Variants in AQR observed in about 807,000 individuals in gnomAD.
AQR encodes aquarius intron-binding spliceosomal factor, also known as RNA helicase aquarius.
AQR carries 61 observed loss-of-function variants against 180.5 expected under a neutral mutation model. The ratio of observed to expected loss-of-function variants is 0.34; its 90% CI spans 0.28 to 0.42. The LOEUF (loss-of-function observed/expected upper bound fraction) is 0.42, where lower values mean the gene tolerates loss of function less well. Among genes scored for constraint, AQR ranks in the 10% least tolerant of loss-of-function variants. AQR has a pLI of 1.00. For synonymous variants in AQR, 551 were observed against 588.8 expected, an observed-to-expected ratio of 0.94 and a Z score of 0.93; for missense variants, 1,281 against 1,798.3, an observed-to-expected ratio of 0.71 and a Z score of 5.20.
At chr15:34,940,583 A>G (rs1894008529) in intron 8 of AQR, among the ~76,000 whole-genome samples, 1 of 152,098 alleles carries the variant, frequency 6.6e-6, no homozygotes, top group African/African-American at 2.4e-5. Flanking sequence ...AAGTTATATT[A>G]ATAGCCTGAA....
At chr15:34,880,818 A>C (rs1315460204) in intron 27 of AQR, among the ~76,000 whole-genome samples, 2 of 152,202 alleles carry the variant, frequency 1.3e-5, no homozygotes, top group Non-Finnish European at 2.9e-5. Context: ...TTCTTGACTG[A>C]TATAGATGAA....
intron 19 of AQR, among the ~76,000 whole-genome samples, chr15:34,902,364 A>G (rs1411862201): frequency 6.6e-6 from 1 of 152,148 alleles, no homozygotes; most frequent in African/African-American, 2.4e-5. Context: ...AGAAAAGGCA[A>G]TAAATGAGAG....
intron 34 of AQR, among the ~76,000 whole-genome samples, chr15:34,858,275 C>T (rs769092463): frequency 1.1e-4 from 16 of 145,860 alleles, no homozygotes; most frequent in South Asian, 6.5e-4. Flanking sequence ...TAAGCCACCG[C>T]GCCTGGCCTT....
chr15:34,918,368 T>C lies in AQR; in HGVS notation c.1232A>G (p.His411Arg). The C allele has an allele frequency of 6.2e-7, 1 of 1,613,546 alleles. No homozygotes were observed. Among genetic ancestry groups the C allele is most frequent in the Non-Finnish European group, 8.5e-7 (1 of 1,179,806 alleles). Residue 411 changes from histidine (H) to arginine (R), a missense_variant, in exon 15 of 35, where the codon CAT becomes CGT. Physicochemically the swap from His to Arg is conservative, Grantham distance 29. Around this residue, in one of 9 missense-constraint regions of AQR, gnomAD observed 404 missense variants for 490.9 expected, o/e 0.82. Transcript: ENST00000156471. ...CTGAATCTGAGAAATTCGACGTTCATGACGAGATACCTAAAATAAAGGAAA... is the reference window on the plus strand; with the variant it reads ...CTGAATCTGAGAAATTCGACGTTCACGACGAGATACCTAAAATAAAGGAAA... The part of the protein sequence containing the change: ...EFLLELLVSR[H>R]ERRISQIQQL...
At chr15:34,914,332 A>T (rs1288829823) in intron 16 of AQR, among the ~76,000 whole-genome samples, 1 of 152,234 alleles carries the variant, frequency 6.6e-6, no homozygotes, top group Non-Finnish European at 1.5e-5. Context: ...AATTCTTGTA[A>T]TGCAGAGCTG....
chr15:34,869,406 G>A (rs767447322), intron 31 of AQR: 13 of 151,990 alleles, frequency 8.6e-5, no homozygotes, highest in Admixed American at 2.6e-4. Flanking sequence ...CTGGATATAC[G>A]TCCTTTGTTG....
At chr15:34,948,946 T>C (rs1049899429) in intron 4 of AQR, among the ~76,000 whole-genome samples, 1 of 152,010 alleles carries the variant, frequency 6.6e-6, no homozygotes, top group Admixed American at 6.6e-5. Flanking sequence ...GTTGCCAACA[T>C]ACATAATTAT....
chr15:34,904,578 T>C (rs1451160436), intron 18 of AQR, 73 bp from the exon 19 acceptor site: 1 of 1,408,014 alleles, frequency 7.1e-7, no homozygotes, highest in Non-Finnish European at 9.6e-7. Context: ...ACAGTATTTC[T>C]TTTCTAGAAA....
At chr15:34,876,649 CCTT>C (rs974665147) in intron 27 of AQR, among the ~76,000 whole-genome samples, 1 of 152,152 alleles carries the variant, frequency 6.6e-6, no homozygotes, top group African/African-American at 2.4e-5. Context: ...TTATACAACT[CCTT>C]ATTTCAAATC....
At chr15:34,910,392 T>C (rs1372143954) in intron 16 of AQR, 79 bp from the exon 17 acceptor site, 2 of 1,458,758 alleles carry the variant, frequency 1.4e-6, no homozygotes, top group Non-Finnish European at 9.4e-7. Flanking sequence ...AACTAGTAAG[T>C]AGGAATACTG....
chr15:34,896,221 G>A (rs990360455), intron 22 of AQR, among the ~76,000 whole-genome samples: 3 of 152,146 alleles, frequency 2.0e-5, no homozygotes, highest in Admixed American at 6.6e-5. Context: ...CACAAAAGTG[G>A]CCATAAGCAA....
At chr15:34,864,574 AAAT>A (rs1892716420) in intron 32 of AQR, among the ~76,000 whole-genome samples, 1 of 152,200 alleles carries the variant, frequency 6.6e-6, no homozygotes, top group Non-Finnish European at 1.5e-5. Flanking sequence ...GTCCTCACAC[AAAT>A]ATTATAAATA....
At chr15:34,924,803 T>C (rs904602120) in intron 13 of AQR, among the ~76,000 whole-genome samples, 1 of 151,808 alleles carries the variant, frequency 6.6e-6, no homozygotes, top group South Asian at 2.1e-4. Flanking sequence ...ATAGTGAATA[T>C]AATGAATATA....
chr15:34,872,237 C>T (rs952369549), intron 30 of AQR, among the ~76,000 whole-genome samples: 1 of 152,120 alleles, frequency 6.6e-6, no homozygotes, highest in African/African-American at 2.4e-5. Flanking sequence ...GACTTTTATT[C>T]ATTTATCCAC....
At chr15:34,871,938 GA>G (rs1892824603) in intron 30 of AQR, among the ~76,000 whole-genome samples, 1 of 138,978 alleles carries the variant, frequency 7.2e-6, no homozygotes, top group African/African-American at 2.7e-5. Flanking sequence ...AGTAAAATAA[GA>G]ATATAAACAC....
At chr15:34,884,896 G>T (rs989982487) in intron 25 of AQR, among the ~76,000 whole-genome samples, 162 bp from the exon 26 acceptor site, 1 of 152,124 alleles carries the variant, frequency 6.6e-6, no homozygotes, top group South Asian at 2.1e-4. Flanking sequence ...GTAACTGACA[G>T]ATTGCTCTTC....
At chr15:34,946,502 G>A (rs1207892260) in intron 5 of AQR, among the ~76,000 whole-genome samples, 2 of 133,898 alleles carry the variant, frequency 1.5e-5, no homozygotes, top group African/African-American at 5.7e-5. Flanking sequence ...CCCCCCGCCC[G>A]GCCAGCCGCC....
chr15:34,968,996 G>T (rs2050328418), intron 1 of AQR, among the ~76,000 whole-genome samples: 1 of 152,146 alleles, frequency 6.6e-6, no homozygotes, highest in Non-Finnish European at 1.5e-5. Flanking sequence ...AGCCAACTGT[G>T]GCTCACAATG....
intron 15 of AQR, among the ~76,000 whole-genome samples, 180 bp downstream of exon 15, chr15:34,918,078 T>C (rs1198272572): frequency 6.6e-6 from 1 of 152,202 alleles, no homozygotes; most frequent in Admixed American, 6.5e-5. Context: ...ATAAAAACCC[T>C]TAGTGCTAAA....
Sources: allele counts gnomAD v4.1 joint callset (sites outside exome capture counted in the v4.1 genomes callset), GRCh38; gene constraint gnomAD v4.1.1; regional missense constraint gnomAD v4.1.1; transcripts MANE v1.5; gene names NCBI Gene and HGNC (gene_info 2026-07-23, HGNC 2026-07-21).